NCAPH2: variants seen among roughly 807,000 people sequenced by gnomAD.
NCAPH2 encodes the protein non-SMC condensin II complex subunit H2.
A neutral mutation model predicts 88.6 loss-of-function variants in NCAPH2; 56 were observed. That is an observed-to-expected ratio of 0.63 (90% CI 0.51 to 0.79). The LOEUF (loss-of-function observed/expected upper bound fraction) is 0.79, where lower values mean the gene tolerates loss of function less well. NCAPH2 is among the 30% of genes least tolerant of loss of function. NCAPH2 has a pLI of 0.00. For missense variants in NCAPH2, 794 were observed against 792.0 expected (o/e 1.00, Z -0.03); for synonymous variants, 378 against 313.6 (o/e 1.21, Z -2.17).
chr22:50,518,693 A>C lies in NCAPH2; in HGVS notation c.691A>C (p.Arg231=). Residue 231 remains arginine, a synonymous_variant, in exon 8 of 20, where the codon AGG becomes CGG. Coordinates refer to ENST00000420993, the MANE Select transcript of NCAPH2 (RefSeq NM_152299.4). ...EEQPMEVSVC[R]SPVPALGFSQ... ...GCAGCCAATGGAAGTTTCCGTGTGC[A>C]GGAGCCCTGTCCCAGCACTCGGCTT... 4 of 1,609,716 alleles carry C rather than the reference A, an allele frequency of 2.5e-6. No individual in the cohort carries two copies. The highest frequency in any genetic ancestry group is 3.4e-6 in the Non-Finnish European group (4 of 1,178,882).
Position 50,521,521 on chromosome 22 carries a change from CCTT to C in NCAPH2, c.934-18_934-16del, listed in dbSNP as rs746583043. 28 of 1,613,022 alleles carry C rather than the reference CCTT, an allele frequency of 1.7e-5. No individual in the cohort carries two copies. The highest frequency in any genetic ancestry group is 2.2e-5 in the Non-Finnish European group (26 of 1,179,772). On this transcript the variant is annotated intron_variant, in intron 10 of 19. Transcript: ENST00000420993. ...CTGTGCACCCCCTACTTCTCCAGCG[CCTT>C]CTTGTGCTCTGTGCCCAGGAGACTC...
chr22:50,518,340 T>A (rs1302943800), intron 7 of NCAPH2, 62 bp downstream of exon 7: 1 of 1,581,842 alleles, frequency 6.3e-7, no homozygotes, highest in African/African-American at 1.3e-5. Flanking sequence ...GTTGGACTCT[T>A]GTGGGGTGCC....
chr22:50,516,677 A>G, intron 2 of NCAPH2, 129 bp downstream of exon 2: 3 of 744,800 alleles, frequency 4.0e-6, no homozygotes, highest in Admixed American at 2.4e-5. Context: ...GGTCTCAGCC[A>G]ATTCCTCAGC....
chr22:50,508,499 CG>C (rs1195136768), intron 1 of NCAPH2, 54 bp downstream of exon 1: 4 of 350,172 alleles, frequency 1.1e-5, no homozygotes, highest in East Asian at 7.6e-5. Flanking sequence ...GGCTGCGGGG[CG>C]GGGGCTCCGG....
intron 2 of NCAPH2, among the ~76,000 whole-genome samples, chr22:50,516,991 G>A (rs1417625664): frequency 6.6e-6 from 1 of 152,230 alleles, no homozygotes; most frequent in African/African-American, 2.4e-5. Flanking sequence ...CAGGAGCTGG[G>A]ACAGGGCAGG....
intron 1 of NCAPH2, among the ~76,000 whole-genome samples, chr22:50,513,856 G>C (rs1405284383): frequency 6.6e-6 from 1 of 152,162 alleles, no homozygotes; most frequent in Non-Finnish European, 1.5e-5. Flanking sequence ...GGAGAGTTTG[G>C]GGGGCTTAGT....
Position 50,516,461 on chromosome 22 carries a change from C to T in NCAPH2, c.123C>T (p.Cys41=). 1 of 1,614,194 alleles carries T rather than the reference C, an allele frequency of 6.2e-7. No homozygotes were observed. The highest frequency in any genetic ancestry group is 8.5e-7 in the Non-Finnish European group (1 of 1,180,022). ...GTTTCTTGCAGCTGGATCAGATCTG[C>T]ATTTCTTTTGACGAAGGCAAGACCA... ...GEYLEELDQI[C]ISFDEGKTTM... is the part of the protein sequence containing the mutation. The change falls in exon 2 of 20, where the codon TGC becomes TGT. Residue 41 remains cysteine, a synonymous_variant. Coordinates refer to ENST00000420993, the MANE Select transcript of NCAPH2 (RefSeq NM_152299.4).
chr22:50,519,149 G>A lies in NCAPH2; in HGVS notation c.731-41G>A, dbSNP rs9628203. ...GGTCCCTTTGGTGCCGTCTGGTCTCGGCACTCCTTGGAGCTGATCACTCTC... is the reference window on the plus strand; with the variant it reads ...GGTCCCTTTGGTGCCGTCTGGTCTCAGCACTCCTTGGAGCTGATCACTCTC... On this transcript the variant is annotated intron_variant, in intron 8 of 19. Transcript: ENST00000420993. 1.2e-4 allele frequency: 181 copies of A among 1,529,094 alleles called. No homozygotes were observed. The African/African-American group carries it at 2.1e-3, about 18-fold the overall frequency. 94.7% of individuals were successfully genotyped at this position (1,529,094 alleles called of 1,614,324 possible).
intron 11 of NCAPH2, 47 bp from the exon 12 acceptor site, chr22:50,521,694 C>T (rs781432581): frequency 9.9e-6 from 16 of 1,611,916 alleles, no homozygotes; most frequent in South Asian, 7.7e-5. Flanking sequence ...GTGGGCTTTG[C>T]ACCCTGATCC....
intron 1 of NCAPH2, among the ~76,000 whole-genome samples, chr22:50,511,861 A>ATGG (rs1385650476): frequency 6.6e-6 from 1 of 151,458 alleles, no homozygotes; most frequent in Non-Finnish European, 1.5e-5. Flanking sequence ...GTTAGCCAGG[A>ATGG]TGGTCTTGGT....
intron 1 of NCAPH2, among the ~76,000 whole-genome samples, chr22:50,512,401 A>G (rs1386619925): frequency 6.6e-6 from 1 of 152,156 alleles, no homozygotes; most frequent in East Asian, 1.9e-4. Context: ...TGGCTTGGTC[A>G]GCTCCCTTCC....
Position 50,523,660 on chromosome 22 carries a change from G to A in NCAPH2, c.*285G>A, listed in dbSNP as rs768228804. On this transcript the variant is annotated 3_prime_UTR_variant, in exon 20 of 20. Transcript: ENST00000420993. The stretch of plus-strand genomic sequence containing the variant: ...CGCCATGTGCCGCCGCACACTGTCT[G>A]AGATCTGCTCAGCCGATCTGCTCCG... The A allele has an allele frequency of 3.8e-5, 62 of 1,614,040 alleles. No homozygotes were observed. In the East Asian group the frequency reaches 1.1e-3, roughly 28 times the overall value.
rs962372149 is a variant in NCAPH2, at chr22:50,523,816, G to A, written c.*441G>A. On this transcript the variant is annotated 3_prime_UTR_variant, in exon 20 of 20. Transcript: ENST00000420993. Reference sequence around the variant, plus strand: ...CACGCGGTAACTGTGACTAGCCTGGGCAACCTGTTTGGTGGAGCCGGTCAG... The same window carrying A: ...CACGCGGTAACTGTGACTAGCCTGGACAACCTGTTTGGTGGAGCCGGTCAG... 3.1e-6 allele frequency: 5 copies of A among 1,614,122 alleles called. No homozygotes were observed. Among genetic ancestry groups the A allele is most frequent in the Non-Finnish European group, 4.2e-6 (5 of 1,180,020 alleles).
Position 50,523,330 on chromosome 22 carries a change from C to T in NCAPH2, c.1773C>T (p.His591=). The part of the protein sequence containing the change: ...SLRLLTHQRA[H]KRFQTYAAPS... ...GACTGCTCACGCACCAGCGAGCGCA[C>T]AAGCGCTTCCAGACCTACGCTGCCC... Residue 591 remains histidine (H), a synonymous_variant, in exon 20 of 20, where the codon CAC becomes CAT. Transcript: ENST00000420993. 6 of 1,572,704 alleles carry T rather than the reference C, an allele frequency of 3.8e-6. No homozygotes were observed. Among genetic ancestry groups the T allele is most frequent in the Non-Finnish European group, 5.2e-6 (6 of 1,159,246 alleles).
intron 8 of NCAPH2, 142 bp downstream of exon 8, chr22:50,518,874 C>A: frequency 1.1e-6 from 1 of 889,942 alleles, no homozygotes; most frequent in Non-Finnish European, 1.7e-6. Flanking sequence ...AGTGAGGCCT[C>A]GCCCCGGGGA....
chr22:50,524,336 G>T lies in NCAPH2; in HGVS notation c.*961G>T, dbSNP rs1389293103. 6.2e-7 allele frequency: 1 copy of T among 1,601,718 alleles called. No homozygotes were observed. The highest frequency in any genetic ancestry group is 1.3e-5 in the African/African-American group (1 of 74,904). On this transcript the variant is annotated 3_prime_UTR_variant, in exon 20 of 20. Coordinates refer to ENST00000420993, the MANE Select transcript of NCAPH2 (RefSeq NM_152299.4). ...CTCAGATGCAGGGCCTGGCCTCCCAGGGTCCCAGGGAGGACCCGAGGCTTG... is the reference window on the plus strand; with the variant it reads ...CTCAGATGCAGGGCCTGGCCTCCCATGGTCCCAGGGAGGACCCGAGGCTTG...
In NCAPH2 at chr22:50,524,530, C is replaced by A; in HGVS notation, c.*1155C>A. The A allele has an allele frequency of 2.0e-6, 2 of 1,019,458 alleles. No homozygotes were observed. The highest frequency in any genetic ancestry group is 2.0e-4 in the Middle Eastern group (1 of 4,952). 63.2% of individuals were successfully genotyped at this position (1,019,458 alleles called of 1,614,324 possible). On this transcript the variant is annotated 3_prime_UTR_variant, in exon 20 of 20. Coordinates refer to ENST00000420993, the MANE Select transcript of NCAPH2 (RefSeq NM_152299.4). Reference sequence around the variant, plus strand: ...CCACCCATCTGAAGGACCCAGCCCACGTTCAGGCTTAACAGGCATTTGCAG... The same window carrying A: ...CCACCCATCTGAAGGACCCAGCCCAAGTTCAGGCTTAACAGGCATTTGCAG...
rs1450523270 is a variant in NCAPH2 at position 50,508,452 on chromosome 22, GCGGCGGGGGAGTGACGCGGGGTGGGC to G, written c.108+15_108+40del. 2 of 1,403,030 alleles carry G rather than the reference GCGGCGGGGGAGTGACGCGGGGTGGGC, an allele frequency of 1.4e-6. No individual in the cohort carries two copies. Among genetic ancestry groups the G allele is most frequent in the Non-Finnish European group, 1.9e-6 (2 of 1,073,202 alleles). 86.9% of individuals were successfully genotyped at this position (1,403,030 alleles called of 1,614,324 possible). A position where few individuals can be genotyped will look rare whatever the true frequency, so the allele number is the denominator to read the frequency against. On this transcript the variant is annotated splice_region_variant and intron_variant, in intron 1 of 19. Coordinates refer to ENST00000420993, the MANE Select transcript of NCAPH2 (RefSeq NM_152299.4). The stretch of plus-strand genomic sequence containing the variant: ...GGGCGAGTATCTGGAGGAGGTAAGG[GCGGCGGGGGAGTGACGCGGGGTGGGC>G]CGGCGGGTGGGGCTGCGGGGCGGGG...
At chr22:50,518,378 G>A (rs1278769047) in intron 7 of NCAPH2, 100 bp downstream of exon 7, 1 of 1,501,566 alleles carries the variant, frequency 6.7e-7, no homozygotes, top group East Asian at 2.3e-5. Context: ...GGTCTTGGGA[G>A]CTCCCTGTCT....
Sources: gnomAD v4.1 joint callset for allele counts (sites outside exome capture counted in the v4.1 genomes callset) on GRCh38, gnomAD v4.1.1 for gene constraint, MANE v1.5 for transcripts, NCBI Gene and HGNC (gene_info 2026-07-23, HGNC 2026-07-21) for gene names.